Variants in NRG1 observed in about 807,000 individuals in gnomAD.
NRG1 encodes the protein pro-neuregulin-1, membrane-bound isoform.
A neutral mutation model predicts 63.8 loss-of-function variants in NRG1; 18 were observed. That is an observed-to-expected ratio of 0.28 (90% CI 0.19 to 0.42). The LOEUF is 0.42. Among genes scored for constraint, NRG1 ranks in the 10% least tolerant of loss-of-function variants. The pLI, the probability that NRG1 is intolerant of heterozygous loss-of-function variation, is 1.00. For missense variants in NRG1, 762 were observed against 814.7 expected (o/e 0.94, Z 0.79); for synonymous variants, 302 against 301.3 (o/e 1.00, Z -0.02).
chr8:32,395,993 A>G (rs1812390007), intron 1 of NRG1, among the ~76,000 whole-genome samples: 1 of 152,188 alleles, frequency 6.6e-6, no homozygotes, highest in African/African-American at 2.4e-5. Flanking sequence ...AATCTTTTTT[A>G]TACTGAGTTA....
intron 1 of NRG1, among the ~76,000 whole-genome samples, chr8:31,733,794 G>GC (rs201630815): frequency 2.3e-4 from 35 of 152,104 alleles, no homozygotes; most frequent in African/African-American, 7.5e-4. Flanking sequence ...GAACCTCTCT[G>GC]CCCCCCCGCC....
intron 1 of NRG1, among the ~76,000 whole-genome samples, chr8:31,729,225 CAAAT>C (rs1813764469): frequency 8.8e-6 from 1 of 114,026 alleles, no homozygotes. Flanking sequence ...GGGATTTAAA[CAAAT>C]AAACAAAGTT....
intron 1 of NRG1, among the ~76,000 whole-genome samples, chr8:32,316,648 A>C (rs1857430409): frequency 1.3e-5 from 2 of 152,016 alleles, no homozygotes; most frequent in South Asian, 4.2e-4. Context: ...AATGTGATGA[A>C]AGCTTCCTCT....
At chr8:31,930,456 A>G (rs1232128159) in intron 1 of NRG1, among the ~76,000 whole-genome samples, 1 of 152,130 alleles carries the variant, frequency 6.6e-6, no homozygotes, top group African/African-American at 2.4e-5. Context: ...GTAAATCACA[A>G]TAATTATTAT....
chr8:32,219,362 G>C (rs572181981), intron 1 of NRG1, among the ~76,000 whole-genome samples: 21 of 152,260 alleles, frequency 1.4e-4, no homozygotes, highest in African/African-American at 4.1e-4. Flanking sequence ...CTGCATTCAG[G>C]TTTCAGGAGT....
intron 1 of NRG1, among the ~76,000 whole-genome samples, chr8:32,574,131 A>T (rs183129816): frequency 6.4e-4 from 98 of 152,278 alleles, no homozygotes; most frequent in Non-Finnish European, 9.1e-4. Flanking sequence ...GTGTGTCTTT[A>T]TAGCAGCATG....
At chr8:32,554,705 A>G (rs1016646345) in intron 1 of NRG1, among the ~76,000 whole-genome samples, 6 of 152,210 alleles carry the variant, frequency 3.9e-5, no homozygotes, top group South Asian at 2.1e-4. Flanking sequence ...TAGAAATTAG[A>G]TATGCACTTT....
chr8:32,262,630 C>T (rs544174973), intron 1 of NRG1, among the ~76,000 whole-genome samples: 5 of 152,118 alleles, frequency 3.3e-5, no homozygotes, highest in Non-Finnish European at 7.3e-5. Context: ...GTAAAACCCA[C>T]TACAAAGTTT....
chr8:32,332,682 T>C (rs58512442), intron 1 of NRG1, among the ~76,000 whole-genome samples: 14,509 of 152,216 alleles, frequency 0.095, 953 homozygotes, highest in African/African-American at 0.18. Flanking sequence ...GAGAATTGAA[T>C]ACATTTTCTT....
intron 1 of NRG1, among the ~76,000 whole-genome samples, chr8:32,576,560 A>G (rs1473940754): frequency 1.3e-5 from 2 of 152,078 alleles, no homozygotes; most frequent in Non-Finnish European, 2.9e-5. Context: ...TTCTTAAAAA[A>G]ACAAAACAAA....
chr8:32,671,283 A>T (rs1364992699), intron 5 of NRG1, among the ~76,000 whole-genome samples: 14 of 152,134 alleles, frequency 9.2e-5, no homozygotes, highest in Non-Finnish European at 4.4e-5. Flanking sequence ...ATCATATTAC[A>T]ACCTTCTGCT....
At chr8:32,353,977 G>A (rs1805994533) in intron 1 of NRG1, among the ~76,000 whole-genome samples, 3 of 152,160 alleles carry the variant, frequency 2.0e-5, no homozygotes, top group African/African-American at 4.8e-5. Context: ...GTAGATAGTG[G>A]AATACTACTC....
At chr8:32,279,842 G>A (rs1171167306) in intron 1 of NRG1, among the ~76,000 whole-genome samples, 2 of 152,198 alleles carry the variant, frequency 1.3e-5, no homozygotes, top group Non-Finnish European at 2.9e-5. Context: ...TTTTCTGACT[G>A]ATGTGTAGGG....
At chr8:32,643,696 C>T (rs1852892094) in intron 5 of NRG1, among the ~76,000 whole-genome samples, 2 of 152,098 alleles carry the variant, frequency 1.3e-5, no homozygotes, top group Admixed American at 6.5e-5. Context: ...AAGGAAAGTC[C>T]TGGAATGAGA....
At chr8:32,315,932 T>C (rs1207240172) in intron 1 of NRG1, among the ~76,000 whole-genome samples, 1 of 144,342 alleles carries the variant, frequency 6.9e-6, no homozygotes, top group Non-Finnish European at 1.5e-5. Flanking sequence ...TCATGTACCC[T>C]GTATTTTGCT....
At chr8:31,726,857 G>A (rs886706777) in intron 1 of NRG1, among the ~76,000 whole-genome samples, 1 of 152,110 alleles carries the variant, frequency 6.6e-6, no homozygotes, top group Admixed American at 6.5e-5. Context: ...AAAACTTGAG[G>A]GAGATAGCTC....
chr8:31,948,931 G>A (rs185405265), intron 1 of NRG1, among the ~76,000 whole-genome samples: 9 of 152,180 alleles, frequency 5.9e-5, no homozygotes, highest in South Asian at 2.1e-4. Context: ...ATTAGAATGC[G>A]CTGTGTATAT....
intron 5 of NRG1, among the ~76,000 whole-genome samples, chr8:32,625,703 T>C (rs1289482648): frequency 6.6e-6 from 1 of 151,708 alleles, no homozygotes; most frequent in African/African-American, 2.4e-5. Flanking sequence ...GAGTGGTGAA[T>C]GTAGGTGAAT....
At chr8:32,421,242 A>G (rs1220520472) in intron 1 of NRG1, among the ~76,000 whole-genome samples, 2 of 152,152 alleles carry the variant, frequency 1.3e-5, no homozygotes, top group Admixed American at 6.5e-5. Context: ...GAGAGAGGGA[A>G]AAAGGAATTG....
Sources: allele counts gnomAD v4.1 joint callset (sites outside exome capture counted in the v4.1 genomes callset), GRCh38; gene constraint gnomAD v4.1.1; transcripts MANE v1.5; gene names NCBI Gene and HGNC (gene_info 2026-07-23, HGNC 2026-07-21).